LRRTM4: variants seen among roughly 807,000 people sequenced by gnomAD.
The protein encoded by LRRTM4 is leucine-rich repeat transmembrane neuronal protein 4.
A neutral mutation model predicts 47.6 loss-of-function variants in LRRTM4; 25 were observed. The ratio of observed to expected loss-of-function variants is 0.53; its 90% CI spans 0.38 to 0.73. The LOEUF (loss-of-function observed/expected upper bound fraction) is 0.73, where lower values mean the gene tolerates loss of function less well. Ranked by LOEUF, LRRTM4 falls within the 30% of genes least tolerant of loss-of-function variation. The pLI is 0.00. For missense variants in LRRTM4, 638 were observed against 713.4 expected, an observed-to-expected ratio of 0.89 and a Z score of 1.20; for synonymous variants, 311 against 269.5, an observed-to-expected ratio of 1.15 and a Z score of -1.51.
intron 3 of LRRTM4, among the ~76,000 whole-genome samples, chr2:77,323,993 A>C (rs1031836251): frequency 2.0e-5 from 3 of 152,196 alleles, no homozygotes. Context: ...TTAGATCGTC[A>C]TAATTACTAG....
chr2:76,916,012 T>C (rs767681046), intron 3 of LRRTM4, among the ~76,000 whole-genome samples: 6 of 151,742 alleles, frequency 4.0e-5, no homozygotes, highest in Non-Finnish European at 7.4e-5. Flanking sequence ...CATTTGAAGA[T>C]AAACAGAGAA....
chr2:77,285,280 G>A (rs1444874879), intron 3 of LRRTM4, among the ~76,000 whole-genome samples: 1 of 141,902 alleles, frequency 7.0e-6, no homozygotes, highest in Non-Finnish European at 1.5e-5. Context: ...TTAGTACTAA[G>A]TTTAAATAAT....
chr2:76,859,415 A>G (rs1389091882), intron 3 of LRRTM4, among the ~76,000 whole-genome samples: 1 of 152,186 alleles, frequency 6.6e-6, no homozygotes, highest in Non-Finnish European at 1.5e-5. Context: ...TATATATTCA[A>G]TAAATGAAAA....
intron 3 of LRRTM4, among the ~76,000 whole-genome samples, chr2:77,272,237 T>C (rs1676220420): frequency 6.6e-6 from 1 of 152,210 alleles, no homozygotes; most frequent in Non-Finnish European, 1.5e-5. Flanking sequence ...TTGTGACTTT[T>C]ATTGAGCCAT....
chr2:76,893,550 A>G (rs1673318969), intron 3 of LRRTM4, among the ~76,000 whole-genome samples: 1 of 151,526 alleles, frequency 6.6e-6, no homozygotes, highest in Non-Finnish European at 1.5e-5. Context: ...GGTTTTTTCT[A>G]CTTGTGGTTT....
chr2:77,095,195 C>T (rs949340123), intron 3 of LRRTM4, among the ~76,000 whole-genome samples: 3 of 152,176 alleles, frequency 2.0e-5, no homozygotes, highest in Non-Finnish European at 4.4e-5. Flanking sequence ...ATTAAAACCA[C>T]AGTGAGATAC....
chr2:77,137,657 C>T (rs1193374163), intron 3 of LRRTM4, among the ~76,000 whole-genome samples: 1 of 152,082 alleles, frequency 6.6e-6, no homozygotes, highest in Non-Finnish European at 1.5e-5. Context: ...ACTAAATTCT[C>T]CAATCAAAAG....
rs1416323251 is a variant in LRRTM4, at chr2:76,974,231, T to C, written c.1552-225315A>G. Among the ~76,000 whole-genome samples the C allele has an allele frequency of 1.1e-3, 152 of 139,538 alleles. 2 individuals are homozygous for C. Among genetic ancestry groups the C allele is most frequent in the African/African-American group, 4.1e-3 (150 of 36,230 alleles). The allele number at this position is 139,538 out of a possible 152,430, so 91.5% of individuals were successfully genotyped here. On this transcript the variant is annotated intron_variant, in intron 3 of 3. Transcript: ENST00000409884. Reference sequence around the variant, plus strand: ...ATATACACATATATATACATACATATATATATATACATATATATATATACA... The same window carrying C: ...ATATACACATATATATACATACATACATATATATACATATATATATATACA...
chr2:77,228,690 G>A (rs1304374504), intron 3 of LRRTM4, among the ~76,000 whole-genome samples: 1 of 152,196 alleles, frequency 6.6e-6, no homozygotes, highest in Non-Finnish European at 1.5e-5. Context: ...TTGGCTTTCA[G>A]CCAAAGTTCT....
chr2:76,779,698 G>A (rs1380472102), intron 3 of LRRTM4, among the ~76,000 whole-genome samples: 1 of 151,824 alleles, frequency 6.6e-6, no homozygotes, highest in African/African-American at 2.4e-5. Context: ...ACACTGATGG[G>A]TCTTGACTCT....
intron 3 of LRRTM4, among the ~76,000 whole-genome samples, chr2:77,457,988 C>A (rs1379478338): frequency 6.6e-6 from 1 of 152,112 alleles, no homozygotes; most frequent in African/African-American, 2.4e-5. Flanking sequence ...GAAGCAGGGA[C>A]CCCAAATTGG....
intron 3 of LRRTM4, among the ~76,000 whole-genome samples, chr2:76,794,503 C>T (rs781707142): frequency 6.6e-6 from 1 of 152,134 alleles, no homozygotes. Flanking sequence ...CTGGTATAGG[C>T]AAACATTTGC....
chr2:77,172,465 A>T (rs1673076116), intron 3 of LRRTM4, among the ~76,000 whole-genome samples: 1 of 152,090 alleles, frequency 6.6e-6, no homozygotes, highest in Non-Finnish European at 1.5e-5. Context: ...GTGGTGGGTC[A>T]TGCCTGTAAT....
chr2:76,962,722 T>C (rs1171366770), intron 3 of LRRTM4, among the ~76,000 whole-genome samples: 3 of 150,714 alleles, frequency 2.0e-5, no homozygotes, highest in Non-Finnish European at 4.5e-5. Context: ...GTTTTAAAAA[T>C]AGACAGAACA....
intron 3 of LRRTM4, among the ~76,000 whole-genome samples, chr2:77,295,907 T>C (rs1676960516): frequency 6.6e-6 from 1 of 152,166 alleles, no homozygotes; most frequent in Non-Finnish European, 1.5e-5. Context: ...AATTAGTAAT[T>C]GAACATATGA....
At chr2:77,216,837 C>A (rs899372222) in intron 3 of LRRTM4, among the ~76,000 whole-genome samples, 1 of 151,896 alleles carries the variant, frequency 6.6e-6, no homozygotes, top group Admixed American at 6.6e-5. Flanking sequence ...CTTTGGGAGG[C>A]CGAGGCAGGC....
At chr2:77,407,857 C>G (rs576105893) in intron 3 of LRRTM4, among the ~76,000 whole-genome samples, 241 of 150,856 alleles carry the variant, frequency 1.6e-3, no homozygotes, top group Middle Eastern at 3.4e-3. Context: ...TTGCTCAGGT[C>G]ATGTTTGAAC....
At chr2:77,429,615 C>A (rs183987866) in intron 3 of LRRTM4, among the ~76,000 whole-genome samples, 235 of 152,118 alleles carry the variant, frequency 1.5e-3, no homozygotes, top group African/African-American at 5.3e-3. Context: ...AAGAAAAATA[C>A]CACATAGTTT....
chr2:76,895,066 A>T (rs1346145657), intron 3 of LRRTM4, among the ~76,000 whole-genome samples: 19 of 151,962 alleles, frequency 1.3e-4, no homozygotes, highest in Admixed American at 1.2e-3. Flanking sequence ...CAAACATTTC[A>T]ATAGTTTAAA....
Sources: gnomAD v4.1 joint callset for allele counts (sites outside exome capture counted in the v4.1 genomes callset) on GRCh38, gnomAD v4.1.1 for gene constraint, MANE v1.5 for transcripts, NCBI Gene and HGNC (gene_info 2026-07-23, HGNC 2026-07-21) for gene names.